NRK: variants seen among roughly 807,000 people sequenced by gnomAD.
The protein encoded by NRK is nik-related protein kinase.
NRK carries 67 observed loss-of-function variants against 125.2 expected under a neutral mutation model. The observed-to-expected ratio is 0.54, with a 90% CI of 0.44 to 0.66. The LOEUF (loss-of-function observed/expected upper bound fraction) is 0.66, where lower values mean the gene tolerates loss of function less well. Ranked by LOEUF, NRK falls within the 30% of genes least tolerant of loss-of-function variation. The pLI is 0.00. For synonymous variants in NRK, 458 were observed against 429.0 expected (o/e 1.07, Z -0.84); for missense variants, 1,224 against 1,192.9 (o/e 1.03, Z -0.38).
chrX:105,915,004 T>C (rs968162284), intron 14 of NRK, among the ~76,000 whole-genome samples: 1 of 107,225 alleles, frequency 9.3e-6, no homozygotes, highest in African/African-American at 3.4e-5. Context: ...TGGCAGAAAG[T>C]AAAATTCCCC....
At chrX:105,949,983 A>G (rs2040869924) in intron 27 of NRK, among the ~76,000 whole-genome samples, 1 of 111,801 alleles carries the variant, frequency 8.9e-6, no homozygotes, top group Admixed American at 9.5e-5. Context: ...TATAACTGAA[A>G]TGAGAGCTAA....
chrX:105,884,714 C>T (rs778210273), intron 4 of NRK, among the ~76,000 whole-genome samples: 8 of 112,211 alleles, frequency 7.1e-5, no homozygotes, highest in Non-Finnish European at 1.5e-4. Flanking sequence ...GTCAATTGTC[C>T]CTTTCCTAGG....
intron 15 of NRK, among the ~76,000 whole-genome samples, chrX:105,916,293 G>C (rs1405587409): frequency 9.0e-6 from 1 of 110,872 alleles, no homozygotes; most frequent in Non-Finnish European, 1.9e-5. Flanking sequence ...ACCAGTCACT[G>C]TATTTTTTAA....
At position 105,923,487 on chromosome X, in the gene NRK, G is replaced by GT. The variant is rs1569313377; in HGVS notation, c.2975+12dup. 2 of 1,106,582 alleles carry GT rather than the reference G, an allele frequency of 1.8e-6. No individual in the cohort carries two copies. The highest frequency in any genetic ancestry group is 2.4e-6 in the Non-Finnish European group (2 of 837,820). The allele number at this position is 1,106,582 out of a possible 1,213,427, so 91.2% of individuals were successfully genotyped here. A position where few individuals can be genotyped will look rare whatever the true frequency, so the allele number is the denominator to read the frequency against. ...TGAGGCGCCTAGTTGTCCAAGGTTG[G>GT]TTTTTTTGAATTACTTATACTCTCC... On this transcript the variant is annotated splice_donor_region_variant and intron_variant, in intron 18 of 28. Transcript: ENST00000243300.
rs1219408539 is a variant in NRK, at chrX:105,941,446, A to G, written c.3958+1414A>G. Among the ~76,000 whole-genome samples the G allele has an allele frequency of 5.4e-5, 6 of 110,597 alleles. No homozygotes were observed. The Admixed American group carries it at 5.8e-4, about 11-fold the overall frequency. The stretch of plus-strand genomic sequence containing the variant: ...TAAATATATAGGAAGTGTTTTCTTA[A>G]GAGAGAATATTTTTTATTATTGGAG... On this transcript the variant is annotated intron_variant, in intron 23 of 28. Transcript: ENST00000243300.
At chrX:105,873,225 T>G in intron 2 of NRK, among the ~76,000 whole-genome samples, 2 of 111,730 alleles carry the variant, frequency 1.8e-5, no homozygotes, top group Middle Eastern at 9.2e-3. Flanking sequence ...ACTGCATGAT[T>G]TTTTTAAAAA....
At chrX:105,946,162 C>T in intron 25 of NRK, 147 bp downstream of exon 25, 1 of 731,464 alleles carries the variant, frequency 1.4e-6, no homozygotes, top group Non-Finnish European at 2.0e-6. Flanking sequence ...CTAAGAAAAA[C>T]TGTAATACAC....
intron 2 of NRK, among the ~76,000 whole-genome samples, chrX:105,841,844 A>T (rs1216502053): frequency 9.0e-6 from 1 of 111,452 alleles, no homozygotes; most frequent in Non-Finnish European, 1.9e-5. Context: ...AAAATGGATA[A>T]CATTTACTGA....
At chrX:105,839,274 T>C (rs887689287) in intron 2 of NRK, among the ~76,000 whole-genome samples, 3 of 109,298 alleles carry the variant, frequency 2.7e-5, no homozygotes, top group African/African-American at 1.0e-4. Flanking sequence ...TTCCCTCACA[T>C]CCTTGCCATT....
At chrX:105,908,697 G>C (rs1367750166) in intron 12 of NRK, 30 bp from the exon 13 acceptor site, 11 of 1,149,754 alleles carry the variant, frequency 9.6e-6, no homozygotes, top group Non-Finnish European at 1.3e-5. Flanking sequence ...AATTCTAATT[G>C]TATGCCAATC....
chrX:105,910,514 TCC>T (rs1484393527), intron 13 of NRK, among the ~76,000 whole-genome samples: 1 of 112,449 alleles, frequency 8.9e-6, no homozygotes, highest in African/African-American at 3.2e-5. Flanking sequence ...CAAATTATTC[TCC>T]GTGTTAGAAG....
intron 18 of NRK, among the ~76,000 whole-genome samples, chrX:105,924,377 A>C: frequency 9.0e-6 from 1 of 111,690 alleles, no homozygotes; most frequent in East Asian, 2.8e-4. Context: ...GAAATAGTAT[A>C]TATTTAAGAA....
upstream of NRK, chrX:105,822,522 G>T (rs1000437522): frequency 3.3e-6 from 1 of 307,302 alleles, no homozygotes; most frequent in Admixed American, 5.5e-5. Flanking sequence ...CCTGAAAGAG[G>T]CGCACCCTGA....
intron 1 of NRK, among the ~76,000 whole-genome samples, chrX:105,829,920 T>C (rs765613814): frequency 1.8e-5 from 2 of 111,278 alleles, no homozygotes; most frequent in Non-Finnish European, 3.8e-5. Flanking sequence ...GTTTTGCCAC[T>C]ATTCTAATGC....
chrX:105,834,446 TGTGC>T (rs1417764627), intron 2 of NRK, among the ~76,000 whole-genome samples: 11 of 109,416 alleles, frequency 1.0e-4, no homozygotes, highest in Non-Finnish European at 1.5e-4. Context: ...TCTGGAGGTG[TGTGC>T]GTGTGTGTGT....
At chrX:105,937,006 A>C in intron 21 of NRK, among the ~76,000 whole-genome samples, 1 of 111,109 alleles carries the variant, frequency 9.0e-6, no homozygotes, top group South Asian at 3.8e-4. Context: ...AAGAATGTTT[A>C]ATGATAATTT....
At chrX:105,824,850 A>G (rs746991634) in intron 1 of NRK, among the ~76,000 whole-genome samples, 4 of 111,749 alleles carry the variant, frequency 3.6e-5, no homozygotes, top group Admixed American at 9.5e-5. Context: ...ACAAAACTTC[A>G]GGACATTGAT....
intron 9 of NRK, among the ~76,000 whole-genome samples, chrX:105,902,714 AAC>A (rs2040174852): frequency 8.9e-6 from 1 of 111,861 alleles, no homozygotes; most frequent in Non-Finnish European, 1.9e-5. Flanking sequence ...TCAGATCAGC[AAC>A]GGCATTAGAT....
At chrX:105,915,864 C>A in intron 15 of NRK, 67 bp downstream of exon 15, 1 of 591,116 alleles carries the variant, frequency 1.7e-6, no homozygotes, top group South Asian at 2.8e-5. Context: ...AAAATTATTT[C>A]ATTGATAATA....
Sources: allele counts gnomAD v4.1 joint callset (sites outside exome capture counted in the v4.1 genomes callset), GRCh38; gene constraint gnomAD v4.1.1; transcripts MANE v1.5; gene names NCBI Gene and HGNC (gene_info 2026-07-23, HGNC 2026-07-21).